The following ENAH variants were observed in gnomAD, a reference collection of about 807,000 sequenced individuals.
ENAH encodes the protein protein enabled homolog.
ENAH carries 23 observed loss-of-function variants against 78.7 expected under a neutral mutation model. The observed-to-expected ratio is 0.29, with a 90% CI of 0.21 to 0.41. ENAH has a LOEUF of 0.41. ENAH is among the 10% of genes least tolerant of loss of function. The pLI, the probability that ENAH is intolerant of heterozygous loss-of-function variation, is 1.00. For synonymous variants in ENAH, 226 were observed against 241.0 expected, an observed-to-expected ratio of 0.94 and a Z score of 0.58; for missense variants, 544 against 691.0, an observed-to-expected ratio of 0.79 and a Z score of 2.39.
intron 2 of ENAH, among the ~76,000 whole-genome samples, chr1:225,562,597 A>C (rs1006668516): frequency 2.5e-4 from 37 of 148,636 alleles, no homozygotes; most frequent in African/African-American, 8.3e-4. Context: ...AAAAAAAAAA[A>C]AAAAACACAC....
chr1:225,618,835 A>G (rs888361141), intron 1 of ENAH, among the ~76,000 whole-genome samples: 3 of 152,176 alleles, frequency 2.0e-5, no homozygotes, highest in African/African-American at 7.2e-5. Flanking sequence ...TCTATACTAA[A>G]TTACATTGCG....
intron 2 of ENAH, among the ~76,000 whole-genome samples, chr1:225,565,810 CACA>C (rs1176960216): frequency 2.6e-5 from 4 of 151,870 alleles, no homozygotes; most frequent in African/African-American, 9.7e-5. Context: ...GGCTGTGCAA[CACA>C]ACAAGGAAAC....
intron 1 of ENAH, among the ~76,000 whole-genome samples, chr1:225,583,899 T>A (rs1006058531): frequency 2.0e-5 from 3 of 151,948 alleles, no homozygotes; most frequent in African/African-American, 7.3e-5. Context: ...GCACCTGTAA[T>A]CCCAGCACTT....
chr1:225,622,563 G>A (rs904733942), intron 1 of ENAH, among the ~76,000 whole-genome samples: 2 of 152,290 alleles, frequency 1.3e-5, no homozygotes, highest in African/African-American at 4.8e-5. Context: ...AGCTCTGGAG[G>A]CTGGGGAAGT....
intron 1 of ENAH, among the ~76,000 whole-genome samples, chr1:225,606,825 A>T (rs184273606): frequency 3.9e-4 from 54 of 138,844 alleles, no homozygotes; most frequent in South Asian, 7.5e-4. Flanking sequence ...CCTGGACGAC[A>T]GTGCAAGACT....
At chr1:225,648,295 A>AT (rs1662342967) in intron 1 of ENAH, among the ~76,000 whole-genome samples, 1 of 152,100 alleles carries the variant, frequency 6.6e-6, no homozygotes, top group African/African-American at 2.4e-5. Context: ...TTGAAATCAC[A>AT]TTTTTTCAAA....
intron 1 of ENAH, among the ~76,000 whole-genome samples, chr1:225,592,734 TG>T (rs1484837936): frequency 6.6e-6 from 1 of 152,234 alleles, no homozygotes; most frequent in Non-Finnish European, 1.5e-5. Context: ...GAGGAAAGCC[TG>T]GTTTTACTAT....
chr1:225,544,874 G>A (rs1326835675), intron 3 of ENAH, among the ~76,000 whole-genome samples: 1 of 152,098 alleles, frequency 6.6e-6, no homozygotes, highest in African/African-American at 2.4e-5. Context: ...AATCACAAAT[G>A]TACTGACTGA....
At chr1:225,579,468 A>T (rs1008227190) in intron 1 of ENAH, among the ~76,000 whole-genome samples, 1 of 152,232 alleles carries the variant, frequency 6.6e-6, no homozygotes, top group Non-Finnish European at 1.5e-5. Flanking sequence ...GAAGAAACTT[A>T]TTCATAAAAT....
Position 225,519,323 on chromosome 1 carries a change from C to A in ENAH, c.677G>T (p.Arg226Met), listed in dbSNP as rs759441117. The A allele has an allele frequency of 4.4e-6, 7 of 1,606,510 alleles. 2 individuals carry two copies. Among genetic ancestry groups the A allele is most frequent in the African/African-American group, 2.7e-5 (2 of 74,052 alleles). ...LERQERLDRERQERQERERLE... is the reference protein window; with the variant it reads ...LERQERLDREMQERQERERLE... The stretch of plus-strand genomic sequence containing the variant: ...CCTCTCTCGTTCTTGTCTTTCTTGC[C>A]TCTCCCGATCCAGGCGTTCCTGCCG... Residue 226 changes from arginine to methionine, a missense_variant, in exon 5 of 14, where the codon AGG becomes ATG. Coordinates refer to ENST00000366843, the MANE Select transcript of ENAH (RefSeq NM_018212.6).
chr1:225,585,997 T>G (rs1226666132), intron 1 of ENAH, among the ~76,000 whole-genome samples: 1 of 152,082 alleles, frequency 6.6e-6, no homozygotes, highest in African/African-American at 2.4e-5. Flanking sequence ...AAGAACTGTT[T>G]GAGCCCAGGA....
At position 225,490,809 on chromosome 1, in the gene ENAH, T is replaced by A. The variant is rs2096218897; in HGVS notation, c.*6966A>T. ...TCTCCTGGAAATTTAAGTGGCAAAG[T>A]CAACGTCTTTTACCAACCATCCATG... On this transcript the variant is annotated 3_prime_UTR_variant, in exon 14 of 14. Coordinates refer to ENST00000366843, the MANE Select transcript of ENAH (RefSeq NM_018212.6). 1 of 152,274 alleles carries A rather than the reference T, an allele frequency of 6.6e-6. No individual in the cohort carries two copies. The highest frequency in any genetic ancestry group is 1.5e-5 in the Non-Finnish European group (1 of 68,070). 9.4% of individuals were successfully genotyped at this position (152,274 alleles called of 1,614,324 possible). A position where few individuals can be genotyped will look rare whatever the true frequency, so the allele number is the denominator to read the frequency against.
At chr1:225,539,206 T>C (rs2096577244) in intron 3 of ENAH, among the ~76,000 whole-genome samples, 1 of 152,160 alleles carries the variant, frequency 6.6e-6, no homozygotes, top group Non-Finnish European at 1.5e-5. Context: ...ACCTCCTAAT[T>C]TCTCTCTCCA....
intron 1 of ENAH, among the ~76,000 whole-genome samples, chr1:225,588,489 A>G (rs1416409921): frequency 6.6e-6 from 1 of 152,226 alleles, no homozygotes; most frequent in Non-Finnish European, 1.5e-5. Context: ...CAATGGTGAG[A>G]GTATAAAATG....
rs963781176 is a variant in ENAH, at chr1:225,652,926, C to G, written c.-236G>C. The stretch of plus-strand genomic sequence containing the variant: ...TGGGGAGGGGGCGGAGAGGCCGAGG[C>G]GCGGAGCTGGTCCCCAGGCGGCCGC... On this transcript the variant is annotated 5_prime_UTR_variant, in exon 1 of 14. Coordinates refer to ENST00000366843, the MANE Select transcript of ENAH (RefSeq NM_018212.6). The G allele has an allele frequency of 2.6e-6, 1 of 388,412 alleles. No homozygotes were observed. The highest frequency in any genetic ancestry group is 4.5e-6 in the Non-Finnish European group (1 of 220,344). The allele number at this position is 388,412 out of a possible 1,614,324, so 24.1% of individuals were successfully genotyped here. A position where few individuals can be genotyped will look rare whatever the true frequency, so the allele number is the denominator to read the frequency against.
At chr1:225,620,592 C>T (rs937824647) in intron 1 of ENAH, among the ~76,000 whole-genome samples, 8 of 152,146 alleles carry the variant, frequency 5.3e-5, no homozygotes, top group African/African-American at 1.9e-4. Context: ...ATACTTGATT[C>T]ATTCTTGTTT....
chr1:225,649,521 G>A (rs1035653778), intron 1 of ENAH, among the ~76,000 whole-genome samples: 176 of 152,018 alleles, frequency 1.2e-3, no homozygotes, highest in African/African-American at 3.8e-3. Flanking sequence ...TAATCACAAA[G>A]CATCTTACAC....
At chr1:225,560,684 G>A (rs2096698621) in intron 2 of ENAH, among the ~76,000 whole-genome samples, 1 of 152,044 alleles carries the variant, frequency 6.6e-6, no homozygotes, top group Non-Finnish European at 1.5e-5. Flanking sequence ...TAAATATTGG[G>A]GTGGGGGTGT....
chr1:225,608,288 A>C (rs994422909), intron 1 of ENAH, among the ~76,000 whole-genome samples: 14 of 151,742 alleles, frequency 9.2e-5, no homozygotes, highest in Non-Finnish European at 2.1e-4. Flanking sequence ...AAGACCCAAA[A>C]ACCCCCTAAC....
Sources: allele counts gnomAD v4.1 joint callset (sites outside exome capture counted in the v4.1 genomes callset), GRCh38; gene constraint gnomAD v4.1.1; transcripts MANE v1.5; gene names NCBI Gene and HGNC (gene_info 2026-07-23, HGNC 2026-07-21).